Variants in NTRK2 observed in about 807,000 individuals in gnomAD.
NTRK2 encodes neurotrophic receptor tyrosine kinase 2, also known as BDNF/NT-3 growth factors receptor.
A neutral mutation model predicts 94.5 loss-of-function variants in NTRK2; 13 were observed. The observed-to-expected ratio is 0.14, with a 90% CI of 0.09 to 0.22. NTRK2 has a LOEUF of 0.22. NTRK2 is among the 10% of genes least tolerant of loss of function. The probability of loss-of-function intolerance (pLI) is 1.00; values close to 1 mark genes in which losing one functional copy is unlikely to be tolerated. For missense variants in NTRK2, 639 were observed against 1,071.2 expected (o/e 0.60, Z 5.63); for synonymous variants, 372 against 407.4 (o/e 0.91, Z 1.05).
intron 12 of NTRK2, among the ~76,000 whole-genome samples, chr9:84,823,760 C>T (rs1351771921): frequency 6.6e-6 from 1 of 152,154 alleles, no homozygotes; most frequent in Non-Finnish European, 1.5e-5. Flanking sequence ...TGGCAAGACC[C>T]TTCACATTTT....
chr9:84,870,016 G>T (rs1281882076), intron 14 of NTRK2, among the ~76,000 whole-genome samples: 2 of 148,906 alleles, frequency 1.3e-5, no homozygotes, highest in Admixed American at 1.3e-4. Context: ...AAAATGTATA[G>T]ACCTGACATG....
At chr9:84,749,206 C>G (rs2064362165) in intron 11 of NTRK2, among the ~76,000 whole-genome samples, 5 of 151,632 alleles carry the variant, frequency 3.3e-5, no homozygotes, top group Admixed American at 3.3e-4. Flanking sequence ...CCAGCCTAGG[C>G]AACAGGAGCG....
At chr9:84,766,374 T>C (rs764250693) in intron 12 of NTRK2, among the ~76,000 whole-genome samples, 1 of 152,052 alleles carries the variant, frequency 6.6e-6, no homozygotes, top group Non-Finnish European at 1.5e-5. Context: ...TTAGGAGTTT[T>C]GTTGTTGTTG....
chr9:84,929,396 C>T (rs1034394516), intron 14 of NTRK2, among the ~76,000 whole-genome samples: 2 of 152,230 alleles, frequency 1.3e-5, no homozygotes, highest in Non-Finnish European at 2.9e-5. Context: ...GCAGATCACA[C>T]GAGTTTGGTG....
intron 17 of NTRK2, among the ~76,000 whole-genome samples, chr9:84,979,786 C>T (rs1448255686): frequency 6.6e-6 from 1 of 152,154 alleles, no homozygotes; most frequent in Admixed American, 6.5e-5. Context: ...CCACAGCCAC[C>T]CCAACCTTTA....
intron 6 of NTRK2, among the ~76,000 whole-genome samples, chr9:84,718,013 C>A (rs2799481): frequency 0.48 from 72,561 of 151,280 alleles, 17,938 homozygotes; most frequent in East Asian, 0.59. Flanking sequence ...CCTTCTCCTT[C>A]TTCTTCTTCC....
chr9:85,001,033 C>T (rs1199488924), intron 17 of NTRK2, among the ~76,000 whole-genome samples: 1 of 152,204 alleles, frequency 6.6e-6, no homozygotes, highest in Non-Finnish European at 1.5e-5. Context: ...AATCGCATCT[C>T]AGGTAGATTC....
intron 12 of NTRK2, chr9:84,813,153 C>A: frequency 8.6e-6 from 9 of 1,044,782 alleles, no homozygotes; most frequent in Non-Finnish European, 1.0e-5. Context: ...TGTCACTCTC[C>A]AATAAAGGTT....
chr9:84,866,273 T>A (rs1001027173), intron 13 of NTRK2, among the ~76,000 whole-genome samples: 2 of 152,236 alleles, frequency 1.3e-5, no homozygotes. Flanking sequence ...TAAAGTTCAT[T>A]TAGTAATACC....
intron 18 of NTRK2, 53 bp downstream of exon 18, chr9:85,020,417 T>A: frequency 6.3e-7 from 1 of 1,595,368 alleles, no homozygotes; most frequent in Non-Finnish European, 8.6e-7. Flanking sequence ...CCCAGAGGCA[T>A]CCATTGGCTG....
chr9:84,852,557 T>C (rs1353175253), intron 12 of NTRK2, among the ~76,000 whole-genome samples: 2 of 152,130 alleles, frequency 1.3e-5, no homozygotes, highest in East Asian at 3.9e-4. Flanking sequence ...GGAAACTAAT[T>C]ATTAGGAGTT....
At chr9:84,935,799 T>C (rs886667722) in intron 15 of NTRK2, among the ~76,000 whole-genome samples, 1 of 152,240 alleles carries the variant, frequency 6.6e-6, no homozygotes, top group African/African-American at 2.4e-5. Context: ...TAGCACAAAA[T>C]GTTCAGAACA....
chr9:84,740,665 G>A (rs988999009), intron 9 of NTRK2, among the ~76,000 whole-genome samples: 9 of 152,206 alleles, frequency 5.9e-5, no homozygotes, highest in African/African-American at 9.7e-5. Flanking sequence ...AGAGTTGTGC[G>A]AAGCATGCAC....
intron 14 of NTRK2, among the ~76,000 whole-genome samples, chr9:84,869,362 G>C (rs763462663): frequency 7.9e-5 from 12 of 152,058 alleles, no homozygotes; most frequent in Non-Finnish European, 1.6e-4. Context: ...TCCCAGCTTA[G>C]TGTCCTCAGT....
At chr9:84,948,024 C>T (rs1480598370) in intron 15 of NTRK2, among the ~76,000 whole-genome samples, 3 of 152,188 alleles carry the variant, frequency 2.0e-5, no homozygotes, top group South Asian at 4.1e-4. Context: ...GCAAACTGAT[C>T]GTTGCTGAAG....
chr9:84,970,694 G>A (rs1200343189), intron 17 of NTRK2, among the ~76,000 whole-genome samples: 2 of 152,142 alleles, frequency 1.3e-5, no homozygotes, highest in African/African-American at 4.8e-5. Context: ...TTACCCAAGA[G>A]CCTTGCTGAA....
intron 14 of NTRK2, among the ~76,000 whole-genome samples, chr9:84,870,918 G>T (rs1057379289): frequency 5.9e-5 from 9 of 152,098 alleles, no homozygotes; most frequent in African/African-American, 2.2e-4. Context: ...TACGAAGATC[G>T]CTGAATTGTA....
intron 17 of NTRK2, among the ~76,000 whole-genome samples, chr9:84,967,756 C>T (rs914152693): frequency 1.3e-5 from 2 of 152,210 alleles, no homozygotes; most frequent in African/African-American, 2.4e-5. Context: ...GCTCATGCCT[C>T]GCCTTTGTGT....
At chr9:84,847,526 T>C (rs963213511) in intron 12 of NTRK2, among the ~76,000 whole-genome samples, 3 of 152,216 alleles carry the variant, frequency 2.0e-5, no homozygotes, top group Admixed American at 1.3e-4. Context: ...ATTTGTCTTA[T>C]GGTTGCAGGA....
Sources: gnomAD v4.1 joint callset for allele counts (sites outside exome capture counted in the v4.1 genomes callset) on GRCh38, gnomAD v4.1.1 for gene constraint, MANE v1.5 for transcripts, NCBI Gene and HGNC (gene_info 2026-07-23, HGNC 2026-07-21) for gene names.